Variants in ZNF208 observed in about 807,000 individuals in gnomAD.
The protein encoded by ZNF208 is zinc finger protein 208, also known as zinc finger protein 95.
Under a neutral mutation model 12.1 loss-of-function variants are expected in ZNF208, and 10 were observed. The observed-to-expected ratio is 0.83, with a 90% CI of 0.51 to 1.40. The LOEUF is 1.40. Among genes scored for constraint, ZNF208 ranks in the 40% most tolerant of loss-of-function variants. The probability of loss-of-function intolerance (pLI) is 0.00; values close to 1 mark genes in which losing one functional copy is unlikely to be tolerated. For missense variants in ZNF208, 1,652 were observed against 1,485.0 expected, an observed-to-expected ratio of 1.11 and a Z score of -1.85; for synonymous variants, 497 against 488.4, an observed-to-expected ratio of 1.02 and a Z score of -0.23.
At position 21,988,823 on chromosome 19, in the gene ZNF208, T is replaced by C. The variant is rs936208723; in HGVS notation, c.90A>G (p.Arg30=). ...CLDTAQQNLY[R]NVMLENYRNL... Reference sequence around the variant, plus strand: ...TTCTGTAGTTCTCTAACATCACATTTCTATATAAATTCTGCTGTGCAGTGT... The same window carrying C: ...TTCTGTAGTTCTCTAACATCACATTCCTATATAAATTCTGCTGTGCAGTGT... Residue 30 remains arginine, a synonymous_variant, in exon 2 of 4, where the codon AGA becomes AGG. Transcript: ENST00000397126. 6.2e-7 allele frequency: 1 copy of C among 1,614,052 alleles called. No homozygotes were observed. The highest frequency in any genetic ancestry group is 8.5e-7 in the Non-Finnish European group (1 of 1,179,992).
chr19:21,955,420 T>C (rs1307602976), intron 4 of ZNF208, among the ~76,000 whole-genome samples: 2 of 152,196 alleles, frequency 1.3e-5, no homozygotes, highest in African/African-American at 2.4e-5. Context: ...TCCTGAAGAA[T>C]GTTTTCCAAC....
At position 21,970,775 on chromosome 19, in the gene ZNF208, G is replaced by T. The variant is rs377207004; in HGVS notation, c.*416C>A. On this transcript the variant is annotated 3_prime_UTR_variant, in exon 4 of 4. Coordinates refer to ENST00000397126, the MANE Select transcript of ZNF208 (RefSeq NM_007153.3). ...CTTTGCCAAATTCTTCACATTTTTA[G>T]AATTTCTCTCCAGCATGAATTTTCT... 15 of 1,411,950 alleles carry T rather than the reference G, an allele frequency of 1.1e-5. No individual in the cohort carries two copies. The highest frequency in any genetic ancestry group is 7.1e-5 in the African/African-American group (5 of 70,296). The allele number at this position is 1,411,950 out of a possible 1,614,324, so 87.5% of individuals were successfully genotyped here. A position where few individuals can be genotyped will look rare whatever the true frequency, so the allele number is the denominator to read the frequency against.
At chr19:21,976,100 T>C (rs1390021864) in intron 3 of ZNF208, among the ~76,000 whole-genome samples, 1 of 152,108 alleles carries the variant, frequency 6.6e-6, no homozygotes, top group African/African-American at 2.4e-5. Flanking sequence ...CTAGCATTAT[T>C]CTAATGGTGC....
chr19:21,988,665 A>C, intron 2 of ZNF208, 118 bp downstream of exon 2: 1 of 1,585,148 alleles, frequency 6.3e-7, no homozygotes, highest in East Asian at 2.2e-5. Context: ...TTCCAAATAT[A>C]CTCTTTTGTC....
In ZNF208 at chr19:21,966,360, T is replaced by A. The variant is rs1186463343; in HGVS notation, c.*4831A>T. The A allele has an allele frequency of 6.6e-6, 1 of 152,126 alleles. No homozygotes were observed. Among genetic ancestry groups the A allele is most frequent in the African/African-American group, 2.4e-5 (1 of 41,446 alleles). The allele number at this position is 152,126 out of a possible 1,614,324, so 9.4% of individuals were successfully genotyped here. On this transcript the variant is annotated 3_prime_UTR_variant, in exon 4 of 4. Transcript: ENST00000397126. ...CATGTATGAGTGAGAACATGTGGCA[T>A]TTGTTTTTCTGATGCAATAATTTGC...
At chr19:21,956,406 C>T (rs1969978078) in intron 4 of ZNF208, among the ~76,000 whole-genome samples, 1 of 152,214 alleles carries the variant, frequency 6.6e-6, no homozygotes, top group Admixed American at 6.5e-5. Flanking sequence ...TTTCTGCTCC[C>T]TTTTGTTCAG....
rs1310466211 is a variant in ZNF208, at chr19:21,974,476, T to G, written c.558A>C (p.Ser186=). ...AAATTCTTTTATGTTGAGATAGGTG[T>G]GAAAGCATGCAAAATGATCTGACGT... is the stretch of plus-strand genomic sequence containing the variant. ...KEYVRSFCML[S]HLSQHKRIYT... The change falls in exon 4 of 4, where the codon TCA becomes TCC. Residue 186 remains serine, a synonymous_variant. Coordinates refer to ENST00000397126, the MANE Select transcript of ZNF208 (RefSeq NM_007153.3). 5 of 1,613,606 alleles carry G rather than the reference T, an allele frequency of 3.1e-6. No homozygotes were observed. The African/African-American group carries it at 6.7e-5, about 22-fold the overall frequency.
At position 21,974,599 on chromosome 19, in the gene ZNF208, A is replaced by C; in HGVS notation, c.435T>G (p.Phe145Leu). The C allele has an allele frequency of 6.2e-7, 1 of 1,613,722 alleles. No individual in the cohort carries two copies. The highest frequency in any genetic ancestry group is 1.3e-5 in the African/African-American group (1 of 75,034). The change falls in exon 4 of 4, where the codon TTT becomes TTG. Residue 145 changes from phenylalanine to leucine, a missense_variant. Phe to Leu is a conservative substitution (Grantham distance 22). This residue lies in a region of ZNF208 where 410 missense variants were observed against 378.2 expected (regional missense o/e 1.08). Coordinates refer to ENST00000397126, the MANE Select transcript of ZNF208 (RefSeq NM_007153.3). ...AGACATTTGCATATTTGCCACGTTG[A>C]AATACTTTGCTCTGTGTAGTTGTCA... is the stretch of plus-strand genomic sequence containing the variant. ...QSLTTTQSKV[F>L]QRGKYANVFH...
intron 3 of ZNF208, among the ~76,000 whole-genome samples, chr19:21,980,884 C>T (rs1308073732): frequency 6.6e-6 from 1 of 152,040 alleles, no homozygotes; most frequent in Non-Finnish European, 1.5e-5. Context: ...GGGGACATCA[C>T]CACTGATTCC....
intron 3 of ZNF208, among the ~76,000 whole-genome samples, chr19:21,984,914 G>A (rs890746847): frequency 9.2e-5 from 14 of 152,046 alleles, no homozygotes; most frequent in African/African-American, 3.1e-4. Flanking sequence ...AATAGAATGC[G>A]ACACATATAC....
At chr19:21,964,015 TAG>T (rs1970120650), downstream of ZNF208, among the ~76,000 whole-genome samples, 1 of 151,958 alleles carries the variant, frequency 6.6e-6, no homozygotes, top group African/African-American at 2.4e-5. Context: ...ACAAAAATGA[TAG>T]GTGAGTTCAT....
intron 4 of ZNF208, among the ~76,000 whole-genome samples, chr19:21,952,692 T>TA (rs1969909567): frequency 6.6e-6 from 1 of 152,128 alleles, no homozygotes; most frequent in Non-Finnish European, 1.5e-5. Flanking sequence ...CAAAGGTAGA[T>TA]AAAACCACAA....
In ZNF208 at chr19:21,967,701, A is replaced by G. The variant is rs1314484542; in HGVS notation, c.*3490T>C. 1.3e-5 allele frequency: 2 copies of G among 152,060 alleles called. No homozygotes were observed. The highest frequency in any genetic ancestry group is 1.3e-4 in the Admixed American group (2 of 15,250). 9.4% of individuals were successfully genotyped at this position (152,060 alleles called of 1,614,324 possible). A position where few individuals can be genotyped will look rare whatever the true frequency, so the allele number is the denominator to read the frequency against. On this transcript the variant is annotated 3_prime_UTR_variant, in exon 4 of 4. Transcript: ENST00000397126. Reference sequence around the variant, plus strand: ...ATGCTTGGCCCAGATTTATTCTTTTAGTCTGAAGTTTTCTTGGCTATTTGA... The same window carrying G: ...ATGCTTGGCCCAGATTTATTCTTTTGGTCTGAAGTTTTCTTGGCTATTTGA...
At chr19:21,955,847 A>G (rs1447228322) in intron 4 of ZNF208, among the ~76,000 whole-genome samples, 1 of 152,232 alleles carries the variant, frequency 6.6e-6, no homozygotes, top group Non-Finnish European at 1.5e-5. Context: ...CGTCAAAGTC[A>G]TTCTCCATCC....
rs377638519 is a variant in ZNF208 at position 21,975,851 on chromosome 19, A to AAAAAAAG, written c.227-1045_227-1044insCTTTTTT. 2.8e-3 allele frequency among the ~76,000 whole-genome samples: 255 copies of AAAAAAAG among 91,870 alleles called. 47 individuals are homozygous for AAAAAAAG. The highest frequency in any genetic ancestry group is 6.8e-3 in the African/African-American group (150 of 21,962). 60.3% of individuals were successfully genotyped at this position (91,870 alleles called of 152,430 possible). On this transcript the variant is annotated intron_variant, in intron 3 of 3. Coordinates refer to ENST00000397126, the MANE Select transcript of ZNF208 (RefSeq NM_007153.3). Reference sequence around the variant, plus strand: ...AAAAAAAAAAAAAAAAAAAAAAAAAAGCTATCAAGTGAGAATAATACCATC... The same window carrying AAAAAAAG: ...AAAAAAAAAAAAAAAAAAAAAAAAAAAAAAAAGGCTATCAAGTGAGAATAATACCATC...
intron 2 of ZNF208, 142 bp downstream of exon 2, chr19:21,988,641 C>T: frequency 3.3e-6 from 5 of 1,508,576 alleles, no homozygotes; most frequent in South Asian, 1.2e-5. Flanking sequence ...AGCAAGGAGG[C>T]CCCTGACCCC....
chr19:22,008,302 CAAA>C (rs71180503), intron 1 of ZNF208, among the ~76,000 whole-genome samples: 13 of 98,924 alleles, frequency 1.3e-4, no homozygotes, highest in African/African-American at 3.9e-4. Context: ...GACTCTATCT[CAAA>C]AAAAAAAAAA....
intron 3 of ZNF208, among the ~76,000 whole-genome samples, chr19:21,976,552 A>G (rs1970433708): frequency 6.6e-6 from 1 of 152,192 alleles, no homozygotes; most frequent in African/African-American, 2.4e-5. Flanking sequence ...CAGATATCTA[A>G]TAGATTTATT....
Position 21,946,279 on chromosome 19 carries a change from G to A in ZNF208, c.306-13042C>T, listed in dbSNP as rs116549366. ...TGCATCAGCTTCTAATAGGTTCTGG[G>A]CCAACATGAGCAGCCTTTATGGATC... On this transcript the variant is annotated intron_variant, in intron 4 of 4. Transcript: ENST00000599916. 5.6e-3 allele frequency among the ~76,000 whole-genome samples: 851 copies of A among 152,248 alleles called. 1 individual carries two copies. The highest frequency in any genetic ancestry group is 0.019 in the African/African-American group (796 of 41,548).
Sources: gnomAD v4.1 joint callset for allele counts (sites outside exome capture counted in the v4.1 genomes callset) on GRCh38, gnomAD v4.1.1 for gene constraint, gnomAD v4.1.1 regional missense constraint, MANE v1.5 for transcripts, NCBI Gene and HGNC (gene_info 2026-07-23, HGNC 2026-07-21) for gene names.